ORC5: variants seen among roughly 807,000 people sequenced by gnomAD.
ORC5 encodes the protein protein phosphatase 1, regulatory subunit 117.
In ORC5, 39 loss-of-function variants were observed where a neutral mutation model predicts 58.8. That is an observed-to-expected ratio of 0.66 (90% CI 0.51 to 0.87). The LOEUF (loss-of-function observed/expected upper bound fraction) is 0.87. Among genes scored for constraint, ORC5 ranks in the 40% least tolerant of loss-of-function variants. ORC5 has a pLI of 0.00. For missense variants in ORC5, 493 were observed against 506.3 expected (o/e 0.97, Z 0.25); for synonymous variants, 218 against 177.6 (o/e 1.23, Z -1.81).
Position 104,136,710 on chromosome 7 carries a change from T to G in ORC5, c.1262+71A>C, listed in dbSNP as rs1209701472. 2.1e-6 allele frequency: 2 copies of G among 953,344 alleles called. No individual in the cohort carries two copies. The highest frequency in any genetic ancestry group is 3.4e-6 in the Non-Finnish European group (2 of 596,220). The allele number at this position is 953,344 out of a possible 1,614,324, so 59.1% of individuals were successfully genotyped here. A position where few individuals can be genotyped will look rare whatever the true frequency, so the allele number is the denominator to read the frequency against. On this transcript the variant is annotated intron_variant, in intron 13 of 13. Transcript: ENST00000297431. The surrounding 1 kb of genome is among the most constrained non-coding windows in gnomAD (Gnocchi z 4.2). ...TTTTTTCATGTTTAAATGTCATGAC[T>G]AATGACATCACATTTGGAAAACACT...
intron 12 of ORC5, among the ~76,000 whole-genome samples, chr7:104,146,418 C>A (rs2385132): frequency 5.9e-5 from 9 of 151,736 alleles, no homozygotes; most frequent in African/African-American, 1.5e-4. Context: ...AGATGTCCTT[C>A]AACAGGTGAA....
rs753483280 is a variant in ORC5, at chr7:104,197,724, C to G, written c.441+1G>C. On this transcript the variant is annotated splice_donor_variant, in intron 4 of 13. Coordinates refer to ENST00000297431, the MANE Select transcript of ORC5 (RefSeq NM_002553.4). LOFTEE classifies it high-confidence loss of function. ...AGAAAGCACTTTCTCACATTACTTA[C>G]CAATTCTTGTAATCTAAGAAATCCA... The G allele has an allele frequency of 6.3e-7, 1 of 1,591,396 alleles. No individual in the cohort carries two copies. Among genetic ancestry groups the G allele is most frequent in the Non-Finnish European group, 8.6e-7 (1 of 1,165,780 alleles).
At chr7:104,135,101 C>T (rs1314850902) in intron 13 of ORC5, among the ~76,000 whole-genome samples, 1 of 152,130 alleles carries the variant, frequency 6.6e-6, no homozygotes, top group Admixed American at 6.6e-5. Flanking sequence ...AAGTCAGATT[C>T]AATGGAGATT....
intron 11 of ORC5, among the ~76,000 whole-genome samples, chr7:104,163,478 GGTTTT>G (rs942251953): frequency 1.3e-5 from 2 of 152,006 alleles, no homozygotes; most frequent in African/African-American, 2.4e-5. Flanking sequence ...TGGTTTGGGG[GGTTTT>G]GTTTTGTTTG....
intron 5 of ORC5, among the ~76,000 whole-genome samples, chr7:104,193,629 T>C (rs1799726559): frequency 6.6e-6 from 1 of 151,976 alleles, no homozygotes; most frequent in African/African-American, 2.4e-5. Flanking sequence ...ATAATCTCTT[T>C]GCCCTGGTTC....
intron 12 of ORC5, among the ~76,000 whole-genome samples, chr7:104,155,658 T>C (rs1479338248): frequency 6.6e-6 from 1 of 151,444 alleles, no homozygotes; most frequent in Non-Finnish European, 1.5e-5. Context: ...CCAATGATTT[T>C]AGAAATAAAC....
intron 8 of ORC5, among the ~76,000 whole-genome samples, chr7:104,175,633 C>G (rs1799306687): frequency 6.6e-6 from 1 of 152,140 alleles, no homozygotes. Flanking sequence ...GTTAGGCTCT[C>G]AGATCAAAGA....
At chr7:104,181,633 A>G in intron 8 of ORC5, among the ~76,000 whole-genome samples, 1 of 151,968 alleles carries the variant, frequency 6.6e-6, no homozygotes, top group East Asian at 1.9e-4. Context: ...AAAATACGAA[A>G]AAAAAAAATT....
At position 104,168,621 on chromosome 7, in the gene ORC5, T is replaced by A. The variant is rs140742437; in HGVS notation, c.825-96A>T. 1.3e-3 allele frequency: 796 copies of A among 606,042 alleles called. 7 individuals are homozygous for A. The African/African-American group carries it at 0.014, about 10-fold the overall frequency. The allele number at this position is 606,042 out of a possible 1,614,324, so 37.5% of individuals were successfully genotyped here. A position where few individuals can be genotyped will look rare whatever the true frequency, so the allele number is the denominator to read the frequency against. ...CCCTAGAAAAACTAAATTTTTTTAT[T>A]TATTAACAAAACAGAAAAGAAAAAT... On this transcript the variant is annotated intron_variant, in intron 8 of 13. Coordinates refer to ENST00000297431, the MANE Select transcript of ORC5 (RefSeq NM_002553.4).
chr7:104,151,085 C>G (rs1318219560), intron 12 of ORC5, among the ~76,000 whole-genome samples: 2 of 151,890 alleles, frequency 1.3e-5, no homozygotes, highest in Non-Finnish European at 2.9e-5. Context: ...GAGGAAACAG[C>G]TTATTGTGAA....
At chr7:104,134,864 G>C (rs537829464) in intron 13 of ORC5, among the ~76,000 whole-genome samples, 67 of 152,134 alleles carry the variant, frequency 4.4e-4, no homozygotes, top group Non-Finnish European at 8.7e-4. Context: ...TGAGAGAATG[G>C]AAGAGGGCAG....
chr7:104,162,208 T>C (rs1227950772), intron 11 of ORC5, among the ~76,000 whole-genome samples: 1 of 152,218 alleles, frequency 6.6e-6, no homozygotes, highest in Non-Finnish European at 1.5e-5. Context: ...AGCCTCACTC[T>C]GTCACCCAGG....
chr7:104,195,923 G>A (rs1314860911), intron 4 of ORC5, among the ~76,000 whole-genome samples: 1 of 152,108 alleles, frequency 6.6e-6, no homozygotes, highest in African/African-American at 2.4e-5. Context: ...AGTACTTTCA[G>A]TATACATGAT....
At chr7:104,127,914 G>C (rs1474817397) in intron 13 of ORC5, among the ~76,000 whole-genome samples, 1 of 152,112 alleles carries the variant, frequency 6.6e-6, no homozygotes, top group African/African-American at 2.4e-5. Flanking sequence ...TTGCTTCATT[G>C]TAACAGTGCC....
At chr7:104,206,078 C>T (rs993818341) in intron 1 of ORC5, among the ~76,000 whole-genome samples, 3 of 152,166 alleles carry the variant, frequency 2.0e-5, no homozygotes, top group African/African-American at 7.2e-5. Flanking sequence ...CTATCCATTA[C>T]ATGTTGTTGC....
intron 1 of ORC5, among the ~76,000 whole-genome samples, chr7:104,204,521 T>C (rs1800027935): frequency 6.6e-6 from 1 of 152,214 alleles, no homozygotes; most frequent in Admixed American, 6.5e-5. Context: ...ACTAGTATTT[T>C]CAACTTCATA....
rs1458171642 is a variant in ORC5, at chr7:104,159,244, G to A, written c.1149+1828C>T. On this transcript the variant is annotated intron_variant, in intron 12 of 13. Coordinates refer to ENST00000297431, the MANE Select transcript of ORC5 (RefSeq NM_002553.4). The stretch of plus-strand genomic sequence containing the variant: ...TCACAAGGACAAAAAACCAAACACC[G>A]CATGTTCTCACTCATAGGTGGGAAT... Among the ~76,000 whole-genome samples the A allele has an allele frequency of 5.3e-4, 76 of 142,502 alleles. 1 individual carries two copies. Among genetic ancestry groups the A allele is most frequent in the Middle Eastern group, 3.5e-3 (1 of 282 alleles). 93.5% of individuals were successfully genotyped at this position (142,502 alleles called of 152,430 possible).
chr7:104,169,308 G>GCCTGC (rs1562816007), intron 8 of ORC5, among the ~76,000 whole-genome samples: 1 of 151,300 alleles, frequency 6.6e-6, no homozygotes, highest in Non-Finnish European at 1.5e-5. Context: ...CTTGTAGGAT[G>GCCTGC]CTTGCAGAGT....
In ORC5 at chr7:104,205,643, T is replaced by C. The variant is rs982185966; in HGVS notation, c.73-1409A>G. Among the ~76,000 whole-genome samples the C allele has an allele frequency of 4.6e-5, 7 of 152,278 alleles. No individual in the cohort carries two copies. The South Asian group carries it at 1.5e-3, about 32-fold the overall frequency. ...AACTGCTAAAAATAGACTAAAAATT[T>C]ACTTGAAATGAATAGGTAATGTAAT... On this transcript the variant is annotated intron_variant, in intron 1 of 13. Coordinates refer to ENST00000297431, the MANE Select transcript of ORC5 (RefSeq NM_002553.4).
Sources: gnomAD v4.1 joint callset for allele counts (sites outside exome capture counted in the v4.1 genomes callset) on GRCh38, gnomAD v4.1.1 for gene constraint, Gnocchi (gnomAD v3.1) non-coding constraint, MANE v1.5 for transcripts, NCBI Gene and HGNC (gene_info 2026-07-23, HGNC 2026-07-21) for gene names.